The following PDE4D variants were observed in gnomAD, a reference collection of about 807,000 sequenced individuals.
The protein encoded by PDE4D is 3',5'-cyclic-AMP phosphodiesterase 4D.
PDE4D carries 24 observed loss-of-function variants against 87.4 expected under a neutral mutation model. The ratio of observed to expected loss-of-function variants is 0.27; its 90% CI spans 0.20 to 0.39. The LOEUF is 0.39. PDE4D is among the 10% of genes least tolerant of loss of function. The pLI, the probability that PDE4D is intolerant of heterozygous loss-of-function variation, is 1.00. For missense variants in PDE4D, 714 were observed against 1,041.0 expected (o/e 0.69, Z 4.32); for synonymous variants, 384 against 383.2 (o/e 1.00, Z -0.02).
chr5:59,474,147 A>G (rs777066936), intron 1 of PDE4D, among the ~76,000 whole-genome samples: 1 of 152,178 alleles, frequency 6.6e-6, no homozygotes, highest in African/African-American at 2.4e-5. Context: ...ACTAAGTGGC[A>G]TAACACTAAC....
intron 5 of PDE4D, among the ~76,000 whole-genome samples, chr5:59,139,012 T>A (rs564534897): frequency 3.3e-5 from 5 of 152,234 alleles, no homozygotes; most frequent in Admixed American, 2.6e-4. Flanking sequence ...AAGGTGAAGG[T>A]AGGGAAGACT....
intron 1 of PDE4D, among the ~76,000 whole-genome samples, chr5:60,458,551 G>A (rs1746668808): frequency 6.6e-6 from 1 of 152,054 alleles, no homozygotes. Context: ...AGTCAGCATA[G>A]TCGCTAAGAA....
intron 5 of PDE4D, among the ~76,000 whole-genome samples, chr5:59,151,246 C>T (rs932001321): frequency 6.6e-4 from 101 of 152,154 alleles, no homozygotes; most frequent in African/African-American, 2.4e-3. Context: ...GGAATCCCTT[C>T]CTGTAAGCCT....
At chr5:60,010,378 T>G (rs1413363298) in intron 2 of PDE4D, among the ~76,000 whole-genome samples, 3 of 152,186 alleles carry the variant, frequency 2.0e-5, no homozygotes, top group Admixed American at 2.0e-4. Context: ...CTAATGCAAA[T>G]ACATTCATAC....
chr5:59,210,128 C>A (rs913913432), intron 2 of PDE4D, among the ~76,000 whole-genome samples: 5 of 152,208 alleles, frequency 3.3e-5, no homozygotes, highest in Non-Finnish European at 7.3e-5. Flanking sequence ...TTCAAGATAA[C>A]AAATTGATAT....
intron 1 of PDE4D, among the ~76,000 whole-genome samples, chr5:60,347,603 T>A (rs548168897): frequency 6.6e-6 from 1 of 152,210 alleles, no homozygotes; most frequent in African/African-American, 2.4e-5. Context: ...GGATAAAATA[T>A]TCTAAAATAT....
intron 1 of PDE4D, among the ~76,000 whole-genome samples, chr5:59,596,476 T>A (rs1298863512): frequency 6.6e-6 from 1 of 151,894 alleles, no homozygotes; most frequent in Admixed American, 6.6e-5. Flanking sequence ...CATCAGCATG[T>A]AGTGGGGTAC....
intron 5 of PDE4D, among the ~76,000 whole-genome samples, chr5:59,124,642 A>G (rs950744647): frequency 6.6e-6 from 1 of 152,234 alleles, no homozygotes; most frequent in Non-Finnish European, 1.5e-5. Flanking sequence ...AAATGATCCA[A>G]CAAACATAAT....
chr5:59,362,242 T>C (rs953865485), intron 1 of PDE4D, among the ~76,000 whole-genome samples: 12 of 152,236 alleles, frequency 7.9e-5, no homozygotes, highest in Admixed American at 7.2e-4. Flanking sequence ...AAACTATTTT[T>C]ATACTGTTAG....
chr5:59,999,268 G>T (rs1323690052), intron 2 of PDE4D, among the ~76,000 whole-genome samples: 1 of 152,064 alleles, frequency 6.6e-6, no homozygotes, highest in Non-Finnish European at 1.5e-5. Flanking sequence ...CAATGTTCTG[G>T]TTTTTCAGAG....
At chr5:60,365,800 T>C (rs1439810818) in intron 1 of PDE4D, among the ~76,000 whole-genome samples, 3 of 152,090 alleles carry the variant, frequency 2.0e-5, no homozygotes, top group East Asian at 3.9e-4. Flanking sequence ...TCTCAGCATT[T>C]TGGGAGGCTG....
chr5:59,648,718 C>T (rs554250306), intron 1 of PDE4D, among the ~76,000 whole-genome samples: 12 of 87,642 alleles, frequency 1.4e-4, no homozygotes, highest in Middle Eastern at 0.011. Context: ...GGCATCTAAC[C>T]TCAAAAAAAA....
intron 1 of PDE4D, among the ~76,000 whole-genome samples, chr5:59,226,550 A>T (rs1170960751): frequency 6.6e-6 from 1 of 152,204 alleles, no homozygotes; most frequent in Non-Finnish European, 1.5e-5. Context: ...CAAGATGAAT[A>T]AATTCTAGAG....
At position 60,435,571 on chromosome 5, in the gene PDE4D, T is replaced by A. The variant is rs74196424; in HGVS notation, c.-90+52371A>T. ...CTATGGAGCATGTAGCTTTCAAGAT[T>A]TTTTTTTGAAACTGAAGCCCAATAT... is the stretch of plus-strand genomic sequence containing the variant. On this transcript the variant is annotated intron_variant, in intron 1 of 16. Coordinates refer to the PDE4D transcript ENST00000502484. Among the ~76,000 whole-genome samples the A allele has an allele frequency of 1.2e-4, 18 of 151,966 alleles. No homozygotes were observed. In the East Asian group the frequency reaches 3.3e-3, roughly 28 times the overall value.
chr5:59,886,567 T>C (rs1750194203), intron 1 of PDE4D, among the ~76,000 whole-genome samples: 1 of 151,688 alleles, frequency 6.6e-6, no homozygotes, highest in African/African-American at 2.4e-5. Context: ...CTTCTTTGTG[T>C]AGGAATATCC....
chr5:59,246,466 T>C (rs962359837), intron 1 of PDE4D, among the ~76,000 whole-genome samples: 2 of 152,160 alleles, frequency 1.3e-5, no homozygotes, highest in South Asian at 4.1e-4. Flanking sequence ...TAGAAAGAAA[T>C]AGACAATTAT....
intron 1 of PDE4D, among the ~76,000 whole-genome samples, chr5:59,244,353 G>A (rs918423397): frequency 7.2e-5 from 11 of 151,886 alleles, no homozygotes; most frequent in Admixed American, 7.2e-4. Flanking sequence ...AGCCAAGATT[G>A]TGCCACTGCA....
intron 1 of PDE4D, among the ~76,000 whole-genome samples, chr5:59,374,242 A>G (rs910916731): frequency 6.6e-6 from 1 of 152,196 alleles, no homozygotes; most frequent in Non-Finnish European, 1.5e-5. Flanking sequence ...CAAGCTGGAT[A>G]AAGAATCGAG....
chr5:59,173,919 C>G (rs1473844498), intron 5 of PDE4D, among the ~76,000 whole-genome samples: 1 of 152,130 alleles, frequency 6.6e-6, no homozygotes, highest in Non-Finnish European at 1.5e-5. Flanking sequence ...TTAGATCTCT[C>G]TATATTTCTT....
Sources: allele counts gnomAD v4.1 joint callset (sites outside exome capture counted in the v4.1 genomes callset), GRCh38; gene constraint gnomAD v4.1.1; transcripts MANE v1.5; gene names NCBI Gene and HGNC (gene_info 2026-07-23, HGNC 2026-07-21).